The following NNT variants were observed in gnomAD, a reference collection of about 807,000 sequenced individuals.
NNT encodes NAD(P) transhydrogenase, mitochondrial.
In NNT, 50 loss-of-function variants were observed where a neutral mutation model predicts 104.8. That is an observed-to-expected ratio of 0.48 (90% CI 0.38 to 0.60). The LOEUF (loss-of-function observed/expected upper bound fraction) is 0.60, where lower values mean the gene tolerates loss of function less well. Ranked by LOEUF, NNT falls within the 20% of genes least tolerant of loss-of-function variation. NNT has a pLI of 0.00. For missense variants in NNT, 1,131 were observed against 1,330.7 expected, an observed-to-expected ratio of 0.85 and a Z score of 2.33; for synonymous variants, 461 against 490.4, an observed-to-expected ratio of 0.94 and a Z score of 0.79.
At chr5:43,628,504 TC>T in intron 7 of NNT, 117 bp downstream of exon 7, 5 of 690,996 alleles carry the variant, frequency 7.2e-6, no homozygotes, top group South Asian at 3.4e-5. Flanking sequence ...TCTAGTACTT[TC>T]TATTATAAAA....
intron 19 of NNT, among the ~76,000 whole-genome samples, chr5:43,688,702 A>G (rs548693320): frequency 6.6e-6 from 1 of 152,320 alleles, no homozygotes; most frequent in Non-Finnish European, 1.5e-5. Flanking sequence ...CACTTAGAAT[A>G]ATAGTCTCCA....
In NNT at chr5:43,653,124, G is replaced by C. The variant is rs1307074649; in HGVS notation, c.1970G>C (p.Gly657Ala). ...GCACTGGGCATGATTGGGGTTGCTG[G>C]AGGACTGGCAGCCACCCTCGGAGTC... is the stretch of plus-strand genomic sequence containing the variant. ...GNALGMIGVA[G>A]GLAATLGVLK... is the part of the protein sequence containing the mutation. Residue 657 changes from glycine to alanine, a missense_variant, in exon 14 of 22, where the codon GGA becomes GCA. Gly to Ala is a moderately conservative substitution (Grantham distance 60). Coordinates refer to ENST00000344920, the MANE Select transcript of NNT (RefSeq NM_182977.3). 4 of 1,614,128 alleles carry C rather than the reference G, an allele frequency of 2.5e-6. No individual in the cohort carries two copies. Among genetic ancestry groups the C allele is most frequent in the Admixed American group, 1.7e-5 (1 of 60,022 alleles).
At chr5:43,651,658 A>G in intron 12 of NNT, 81 bp from the exon 13 acceptor site, 3 of 1,457,550 alleles carry the variant, frequency 2.1e-6, no homozygotes. Flanking sequence ...TAAAACAGAA[A>G]AATTGTAGCA....
At chr5:43,679,587 A>G (rs1198989119) in intron 19 of NNT, among the ~76,000 whole-genome samples, 1 of 152,198 alleles carries the variant, frequency 6.6e-6, no homozygotes, top group East Asian at 1.9e-4. Flanking sequence ...AATGATCTGA[A>G]AGGAAAAAGG....
At chr5:43,607,370 G>T (rs566962492) in intron 1 of NNT, among the ~76,000 whole-genome samples, 36 of 152,200 alleles carry the variant, frequency 2.4e-4, no homozygotes, top group Admixed American at 1.5e-3. Context: ...CCTGGACAAT[G>T]AGTCTCAGGA....
At chr5:43,620,009 G>C (rs1391325078) in intron 5 of NNT, among the ~76,000 whole-genome samples, 1 of 151,982 alleles carries the variant, frequency 6.6e-6, no homozygotes, top group Non-Finnish European at 1.5e-5. Flanking sequence ...CCCACTCCCA[G>C]GGAGGGCATT....
At chr5:43,684,099 T>C (rs1270113054) in intron 19 of NNT, among the ~76,000 whole-genome samples, 1 of 152,194 alleles carries the variant, frequency 6.6e-6, no homozygotes, top group East Asian at 1.9e-4. Flanking sequence ...CATGTACAGA[T>C]GGAAAATGTG....
chr5:43,671,774 T>G (rs763733363), intron 17 of NNT, among the ~76,000 whole-genome samples: 28 of 152,302 alleles, frequency 1.8e-4, no homozygotes, highest in Non-Finnish European at 3.8e-4. Flanking sequence ...GGAGTTGCTC[T>G]TCTTGAGGAG....
At chr5:43,636,549 T>C (rs1750939984) in intron 7 of NNT, among the ~76,000 whole-genome samples, 1 of 152,206 alleles carries the variant, frequency 6.6e-6, no homozygotes, top group South Asian at 2.1e-4. Flanking sequence ...TTCTATTTTT[T>C]AAAACACTTT....
At chr5:43,649,847 G>C (rs1294231836) in intron 11 of NNT, among the ~76,000 whole-genome samples, 1 of 152,194 alleles carries the variant, frequency 6.6e-6, no homozygotes, top group Non-Finnish European at 1.5e-5. Flanking sequence ...GGTTGCCCAG[G>C]ATCTATTCTC....
chr5:43,695,810 TG>T (rs1385424640), intron 19 of NNT, among the ~76,000 whole-genome samples: 1 of 152,172 alleles, frequency 6.6e-6, no homozygotes, highest in Non-Finnish European at 1.5e-5. Flanking sequence ...CTTACATGGA[TG>T]GGAGCAAGCC....
chr5:43,624,203 T>C, intron 6 of NNT, 83 bp downstream of exon 6: 2 of 1,190,304 alleles, frequency 1.7e-6, no homozygotes, highest in Non-Finnish European at 2.5e-6. Context: ...AACTTGTAAA[T>C]TGAAGTAGCA....
At chr5:43,603,109 C>T (rs1054474378), upstream of NNT, 4 of 144,216 alleles carry the variant, frequency 2.8e-5, no homozygotes, top group Non-Finnish European at 6.1e-5. Context: ...AAAGCTGGGG[C>T]GGGGAAGGGG....
intron 18 of NNT, among the ~76,000 whole-genome samples, chr5:43,677,513 A>G (rs1171379823): frequency 1.3e-5 from 2 of 152,142 alleles, no homozygotes; most frequent in Admixed American, 6.5e-5. Context: ...ATGAGACACT[A>G]CAGAAGATTG....
chr5:43,681,247 G>A (rs1741695457), intron 19 of NNT, among the ~76,000 whole-genome samples: 1 of 134,192 alleles, frequency 7.5e-6, no homozygotes, highest in Non-Finnish European at 1.5e-5. Flanking sequence ...GTGACAGAGC[G>A]AGGCTCCTTC....
chr5:43,619,032 T>G lies in NNT; in HGVS notation c.600T>G (p.Gly200=). The change falls in exon 5 of 22, where the codon GGT becomes GGG. Residue 200 remains glycine (G), a splice_region_variant and synonymous_variant. Transcript: ENST00000344920. ...DALSSMANIA[G]YKAVVLAANH... ...TTTATTTATTTATTTATTTTTAAAG[T>G]TATAAGGCTGTTGTCCTAGCAGCAA... 7 of 1,508,910 alleles carry G rather than the reference T, an allele frequency of 4.6e-6. No individual in the cohort carries two copies. The highest frequency in any genetic ancestry group is 6.3e-6 in the Non-Finnish European group (7 of 1,119,306). The allele number at this position is 1,508,910 out of a possible 1,614,324, so 93.5% of individuals were successfully genotyped here.
chr5:43,634,823 C>T (rs955100381), intron 7 of NNT, among the ~76,000 whole-genome samples: 1 of 152,134 alleles, frequency 6.6e-6, no homozygotes, highest in Non-Finnish European at 1.5e-5. Flanking sequence ...CAGTCTTGTT[C>T]TTAGGGTGTA....
At chr5:43,661,671 T>G (rs1399216519) in intron 17 of NNT, among the ~76,000 whole-genome samples, 6 of 150,424 alleles carry the variant, frequency 4.0e-5, no homozygotes, top group Non-Finnish European at 7.4e-5. Context: ...TTTGGTTTTT[T>G]GTTCTTGTGA....
Position 43,677,718 on chromosome 5 carries a change from C to T in NNT, c.2795-7C>T. 6.2e-7 allele frequency: 1 copy of T among 1,611,746 alleles called. No individual in the cohort carries two copies. The highest frequency in any genetic ancestry group is 8.5e-7 in the Non-Finnish European group (1 of 1,178,088). On this transcript the variant is annotated splice_polypyrimidine_tract_variant and splice_region_variant and intron_variant, in intron 18 of 21. Coordinates refer to ENST00000344920, the MANE Select transcript of NNT (RefSeq NM_182977.3). ...ACATTCTTCTGTGTTCTTAATGTTC[C>T]TTGCAGGCTATGGTCTCTGTGCAGC...
Sources: gnomAD v4.1 joint callset for allele counts (sites outside exome capture counted in the v4.1 genomes callset) on GRCh38, gnomAD v4.1.1 for gene constraint, MANE v1.5 for transcripts, NCBI Gene and HGNC (gene_info 2026-07-23, HGNC 2026-07-21) for gene names.